The following JAKMIP2 variants were observed in gnomAD, a reference collection of about 807,000 sequenced individuals.
JAKMIP2 encodes janus kinase and microtubule-interacting protein 2.
In JAKMIP2, 25 loss-of-function variants were observed where a neutral mutation model predicts 115.0. That is an observed-to-expected ratio of 0.22 (90% CI 0.16 to 0.30). The LOEUF is 0.30. JAKMIP2 is among the 10% of genes least tolerant of loss of function. The probability of loss-of-function intolerance (pLI) is 1.00; values close to 1 mark genes in which losing one functional copy is unlikely to be tolerated. For missense variants in JAKMIP2, 642 were observed against 957.6 expected (o/e 0.67, Z 4.35); for synonymous variants, 334 against 343.6 (o/e 0.97, Z 0.31).
chr5:147,676,011 A>G (rs1759930547), intron 1 of JAKMIP2, among the ~76,000 whole-genome samples: 1 of 152,096 alleles, frequency 6.6e-6, no homozygotes, highest in Admixed American at 6.5e-5. Flanking sequence ...GCCAGCCATC[A>G]CAAGGGACAT....
intron 1 of JAKMIP2, among the ~76,000 whole-genome samples, chr5:147,698,208 T>C (rs1331879148): frequency 2.6e-5 from 4 of 152,322 alleles, no homozygotes; most frequent in Non-Finnish European, 5.9e-5. Context: ...CATGACCCCA[T>C]AGCCTCTTTG....
intron 12 of JAKMIP2, among the ~76,000 whole-genome samples, chr5:147,635,119 G>A (rs537927912): frequency 3.9e-5 from 6 of 152,194 alleles, no homozygotes; most frequent in East Asian, 3.9e-4. Context: ...AGAGGTTGCC[G>A]TGAGCTGAGA....
At chr5:147,658,693 T>G (rs1200180199) in intron 3 of JAKMIP2, among the ~76,000 whole-genome samples, 4 of 152,110 alleles carry the variant, frequency 2.6e-5, no homozygotes, top group African/African-American at 9.7e-5. Context: ...AGCCCCTGAA[T>G]GGAGCTGCTG....
At chr5:147,777,593 A>G (rs910501745) in intron 1 of JAKMIP2, among the ~76,000 whole-genome samples, 1 of 152,140 alleles carries the variant, frequency 6.6e-6, no homozygotes, top group Non-Finnish European at 1.5e-5. Flanking sequence ...CTGTATTATC[A>G]TTTTTCCATA....
At chr5:147,739,867 T>G (rs867514356) in intron 1 of JAKMIP2, among the ~76,000 whole-genome samples, 1 of 152,088 alleles carries the variant, frequency 6.6e-6, no homozygotes, top group Non-Finnish European at 1.5e-5. Context: ...TTGCAGGACT[T>G]TCTAGACTGA....
chr5:147,663,943 A>T (rs527811031), intron 2 of JAKMIP2, among the ~76,000 whole-genome samples: 66 of 152,182 alleles, frequency 4.3e-4, no homozygotes, highest in African/African-American at 1.5e-3. Context: ...TTGAAGTGAG[A>T]TTTTCTCTCC....
At chr5:147,742,155 A>ATATATATATATATTTTTTT in intron 1 of JAKMIP2, among the ~76,000 whole-genome samples, 2 of 108,882 alleles carry the variant, frequency 1.8e-5, no homozygotes, top group Non-Finnish European at 3.7e-5. Context: ...ATATATATAT[A>ATATATATATATATTTTTTT]TTTTTTTTAC....
chr5:147,610,655 G>A (rs1027369899), intron 20 of JAKMIP2, among the ~76,000 whole-genome samples: 3 of 152,196 alleles, frequency 2.0e-5, no homozygotes, highest in Non-Finnish European at 2.9e-5. Flanking sequence ...CAGGAGGCAC[G>A]GGGGTCAGGG....
intron 17 of JAKMIP2, among the ~76,000 whole-genome samples, 185 bp from the exon 18 acceptor site, chr5:147,620,928 A>G (rs1030038127): frequency 6.6e-6 from 1 of 152,244 alleles, no homozygotes; most frequent in Non-Finnish European, 1.5e-5. Context: ...TGTGAAAATC[A>G]ATGGAAAGCA....
At chr5:147,593,267 T>C (rs1254469916) in intron 21 of JAKMIP2, among the ~76,000 whole-genome samples, 1 of 152,212 alleles carries the variant, frequency 6.6e-6, no homozygotes, top group Non-Finnish European at 1.5e-5. Flanking sequence ...AGTCTGGGCC[T>C]TGGCCAGACT....
chr5:147,764,973 AGAGAGAGAGAGAGAGAGG>A (rs1561582794), intron 1 of JAKMIP2, among the ~76,000 whole-genome samples: 16 of 99,024 alleles, frequency 1.6e-4, no homozygotes, highest in African/African-American at 3.6e-4. Flanking sequence ...AGAGGGGGAG[AGAGAGAGAGAGAGAGAGG>A]GAGAGAGAGA....
At chr5:147,642,103 C>A (rs572037180) in intron 7 of JAKMIP2, among the ~76,000 whole-genome samples, 2 of 152,038 alleles carry the variant, frequency 1.3e-5, no homozygotes, top group Non-Finnish European at 2.9e-5. Context: ...TCTCCTAGAT[C>A]CAAAATTACT....
At chr5:147,722,046 A>C (rs1196836761) in intron 1 of JAKMIP2, among the ~76,000 whole-genome samples, 1 of 152,122 alleles carries the variant, frequency 6.6e-6, no homozygotes, top group Non-Finnish European at 1.5e-5. Flanking sequence ...ATTTACTCTG[A>C]GTTTTCATAA....
intron 16 of JAKMIP2, among the ~76,000 whole-genome samples, chr5:147,624,405 C>T (rs1581310615): frequency 6.6e-6 from 1 of 152,104 alleles, no homozygotes; most frequent in African/African-American, 2.4e-5. Flanking sequence ...GTGGAAGGGA[C>T]AACATGTCCA....
chr5:147,748,122 G>T (rs1754416150), intron 1 of JAKMIP2, among the ~76,000 whole-genome samples: 1 of 152,202 alleles, frequency 6.6e-6, no homozygotes. Flanking sequence ...ATGTTGTAGA[G>T]TACAGAATGC....
chr5:147,755,554 G>A (rs1048403843), intron 1 of JAKMIP2, among the ~76,000 whole-genome samples: 6 of 152,150 alleles, frequency 3.9e-5, no homozygotes, highest in Non-Finnish European at 7.4e-5. Context: ...TAAAAATAAC[G>A]TTTAATTTGA....
chr5:147,616,394 C>T (rs755975167), intron 19 of JAKMIP2, among the ~76,000 whole-genome samples: 1 of 152,156 alleles, frequency 6.6e-6, no homozygotes, highest in Non-Finnish European at 1.5e-5. Flanking sequence ...ACTATCAGCA[C>T]TACTGGATAA....
At chr5:147,636,140 C>A in intron 12 of JAKMIP2, 82 bp downstream of exon 12, 1 of 1,163,706 alleles carries the variant, frequency 8.6e-7, no homozygotes, top group Non-Finnish European at 1.3e-6. Context: ...GCCCCTGTGC[C>A]ACTCCTGAGA....
At chr5:147,724,408 C>A (rs188695213) in intron 1 of JAKMIP2, among the ~76,000 whole-genome samples, 42 of 152,260 alleles carry the variant, frequency 2.8e-4, no homozygotes, top group Admixed American at 1.4e-3. Context: ...TATCTTCTTA[C>A]GTCTTTCTTG....
Sources: allele counts gnomAD v4.1 joint callset (sites outside exome capture counted in the v4.1 genomes callset), GRCh38; gene constraint gnomAD v4.1.1; transcripts MANE v1.5; gene names NCBI Gene and HGNC (gene_info 2026-07-23, HGNC 2026-07-21).